Variants in COL24A1 observed in about 807,000 individuals in gnomAD.
COL24A1 encodes collagen type XXIV alpha 1 chain.
Under a neutral mutation model 253.9 loss-of-function variants are expected in COL24A1, and 224 were observed. The ratio of observed to expected loss-of-function variants is 0.88; its 90% CI spans 0.79 to 0.99. The LOEUF (loss-of-function observed/expected upper bound fraction) is 0.99, where lower values mean the gene tolerates loss of function less well. COL24A1 is among the 50% of genes least tolerant of loss of function. COL24A1 has a pLI of 0.00. For synonymous variants in COL24A1, 685 were observed against 673.7 expected (o/e 1.02, Z -0.26); for missense variants, 2,131 against 2,068.5 (o/e 1.03, Z -0.59).
Position 85,838,648 on chromosome 1 carries a change from C to T in COL24A1, c.3628-10G>A, listed in dbSNP as rs538754320. The T allele has an allele frequency of 3.1e-6, 5 of 1,613,484 alleles. No individual in the cohort carries two copies. The South Asian group carries it at 5.5e-5, about 18-fold the overall frequency. On this transcript the variant is annotated splice_polypyrimidine_tract_variant and intron_variant, in intron 42 of 59. Coordinates refer to ENST00000370571, the MANE Select transcript of COL24A1 (RefSeq NM_152890.7). ...GGTCCCCCACTGGACCCTACAGAGA[C>T]CACACACAAAACAATCAGTTTTACA...
intron 59 of COL24A1, among the ~76,000 whole-genome samples, chr1:85,732,138 C>A (rs915280588): frequency 6.6e-6 from 1 of 152,072 alleles, no homozygotes; most frequent in Non-Finnish European, 1.5e-5. Context: ...CACAGGCTTG[C>A]GAGGATTAAA....
chr1:85,980,357 A>C lies in COL24A1; in HGVS notation c.2364+7244T>G, dbSNP rs193031313. Among the ~76,000 whole-genome samples the C allele has an allele frequency of 2.6e-3, 390 of 152,294 alleles. 3 individuals carry two copies. Among genetic ancestry groups the C allele is most frequent in the South Asian group, 3.1e-3 (15 of 4,826 alleles). On this transcript the variant is annotated intron_variant, in intron 20 of 59. Transcript: ENST00000370571. The stretch of plus-strand genomic sequence containing the variant: ...GCCAGAGCAATCAGACAAGAGAAAG[A>C]AATAAAGAATCGGTAAAGAGGAAGT...
chr1:86,014,699 C>A (rs1696842459), intron 19 of COL24A1, among the ~76,000 whole-genome samples: 1 of 152,006 alleles, frequency 6.6e-6, no homozygotes. Flanking sequence ...GCCTTTTATT[C>A]CTCTCTCTTA....
At chr1:85,927,139 C>T (rs886488303) in intron 24 of COL24A1, among the ~76,000 whole-genome samples, 25 of 152,212 alleles carry the variant, frequency 1.6e-4, no homozygotes, top group African/African-American at 2.6e-4. Context: ...ACGCAGAAGA[C>T]GGGTGATTTC....
chr1:86,049,014 C>T (rs76334157), intron 11 of COL24A1, among the ~76,000 whole-genome samples: 1,626 of 152,232 alleles, frequency 0.011, 31 homozygotes, highest in African/African-American at 0.036. Context: ...TAATTAACAA[C>T]GTAAACTGGA....
intron 47 of COL24A1, among the ~76,000 whole-genome samples, chr1:85,795,087 A>C (rs1234089175): frequency 6.6e-6 from 1 of 152,224 alleles, no homozygotes; most frequent in Non-Finnish European, 1.5e-5. Context: ...CATTTGTCAG[A>C]AATGAATAGC....
At chr1:86,141,702 C>CTTTTTTTTT (rs1230061696) in intron 2 of COL24A1, among the ~76,000 whole-genome samples, 2 of 142,242 alleles carry the variant, frequency 1.4e-5, no homozygotes, top group East Asian at 4.1e-4. Context: ...TAGTGTCTTA[C>CTTTTTTTTT]TTTTTTTTTT....
intron 47 of COL24A1, among the ~76,000 whole-genome samples, chr1:85,815,595 T>C (rs1672979932): frequency 6.6e-6 from 1 of 152,148 alleles, no homozygotes. Flanking sequence ...GGTTAAGTTA[T>C]CATTTCATTT....
At chr1:85,732,080 T>C (rs969598167) in intron 59 of COL24A1, among the ~76,000 whole-genome samples, 1 of 152,188 alleles carries the variant, frequency 6.6e-6, no homozygotes, top group East Asian at 1.9e-4. Flanking sequence ...GAAATTCTGG[T>C]ACTCTCACTT....
chr1:85,908,952 T>C (rs2102911935), intron 26 of COL24A1, among the ~76,000 whole-genome samples: 1 of 151,872 alleles, frequency 6.6e-6, no homozygotes, highest in Admixed American at 6.6e-5. Flanking sequence ...TAAGAGAACA[T>C]TCATTTCATT....
At chr1:85,997,017 A>G (rs6703205) in intron 19 of COL24A1, among the ~76,000 whole-genome samples, 47,187 of 126,764 alleles carry the variant, frequency 0.37, 9,664 homozygotes, top group East Asian at 0.58. Flanking sequence ...TCATATATAT[A>G]TGTGTGTGTG....
chr1:86,152,937 T>C (rs1652972683), intron 1 of COL24A1, among the ~76,000 whole-genome samples: 1 of 152,110 alleles, frequency 6.6e-6, no homozygotes, highest in African/African-American at 2.4e-5. Context: ...AAGTCAAGTC[T>C]CCCCAACCTC....
chr1:86,092,823 C>T (rs1334318128), intron 5 of COL24A1, among the ~76,000 whole-genome samples: 1 of 151,830 alleles, frequency 6.6e-6, no homozygotes, highest in African/African-American at 2.4e-5. Context: ...CTCTAATCCA[C>T]AAAATTCTTT....
intron 24 of COL24A1, among the ~76,000 whole-genome samples, chr1:85,947,774 A>G (rs932120830): frequency 1.3e-5 from 2 of 152,288 alleles, no homozygotes; most frequent in Non-Finnish European, 2.9e-5. Context: ...TTTTTTTCTC[A>G]TATTATTAAA....
At chr1:85,864,627 ATCT>A (rs1484578518) in intron 37 of COL24A1, among the ~76,000 whole-genome samples, 9 of 152,152 alleles carry the variant, frequency 5.9e-5, no homozygotes, top group African/African-American at 2.2e-4. Flanking sequence ...ACTATTGATA[ATCT>A]TCTCATCTTT....
chr1:86,050,834 T>C (rs914898468), intron 10 of COL24A1, among the ~76,000 whole-genome samples: 3 of 152,158 alleles, frequency 2.0e-5, no homozygotes, highest in Non-Finnish European at 2.9e-5. Context: ...TAAATAACAA[T>C]GCAAGGCACT....
intron 17 of COL24A1, 51 bp from the exon 18 acceptor site, chr1:86,022,344 A>G (rs1367384434): frequency 6.6e-7 from 1 of 1,516,936 alleles, no homozygotes; most frequent in Admixed American, 1.7e-5. Context: ...CAAAAGGCAG[A>G]CATACCACTA....
intron 7 of COL24A1, among the ~76,000 whole-genome samples, chr1:86,074,875 C>T (rs1435449138): frequency 2.0e-5 from 3 of 152,108 alleles, no homozygotes; most frequent in African/African-American, 7.2e-5. Context: ...CACAATGTAA[C>T]AGAATCTCTG....
At chr1:86,032,443 C>G (rs1317320583) in intron 13 of COL24A1, among the ~76,000 whole-genome samples, 2 of 151,960 alleles carry the variant, frequency 1.3e-5, no homozygotes, top group Non-Finnish European at 2.9e-5. Flanking sequence ...TGTAAAGGCA[C>G]CATAAAAATG....
Sources: allele counts gnomAD v4.1 joint callset (sites outside exome capture counted in the v4.1 genomes callset), GRCh38; gene constraint gnomAD v4.1.1; transcripts MANE v1.5; gene names NCBI Gene and HGNC (gene_info 2026-07-23, HGNC 2026-07-21).